Variants in JOSD2 observed in about 807,000 individuals in gnomAD.
JOSD2 encodes josephin-2.
JOSD2 carries 20 observed loss-of-function variants against 19.3 expected under a neutral mutation model. That is an observed-to-expected ratio of 1.04 (90% confidence interval 0.73 to 1.51). The LOEUF is 1.51. Ranked by LOEUF, JOSD2 falls within the 40% of genes most tolerant of loss-of-function variation. JOSD2 has a pLI of 0.00. For missense variants in JOSD2, 215 were observed against 250.4 expected, an observed-to-expected ratio of 0.86 and a Z score of 0.95; for synonymous variants, 118 against 123.7, an observed-to-expected ratio of 0.95 and a Z score of 0.31.
rs1979339046 is a variant in JOSD2 at position 50,506,399 on chromosome 19, A to G, written c.446T>C (p.Leu149Pro). Reference protein sequence around the residue: ...LDSKLRAPEALGDEDGVRAFL... With the variant: ...LDSKLRAPEAPGDEDGVRAFL... ...TCACCTGACTCCGTCCTCATCCCCC[A>G]GGGCCTCGGGCGCCCGCAGCTTGGA... The change falls in exon 4 of 5, where the codon CTG becomes CCG. Residue 149 changes from leucine (L) to proline (P), a missense_variant. Leu to Pro is a moderately conservative substitution (Grantham distance 98). Coordinates refer to ENST00000598418, the MANE Select transcript of JOSD2 (RefSeq NM_001270639.2). 6.2e-7 allele frequency: 1 copy of G among 1,606,102 alleles called. No individual in the cohort carries two copies.
At chr19:50,510,949 G>A (rs940174911) in intron 1 of JOSD2, 168 bp downstream of exon 1, 10 of 382,474 alleles carry the variant, frequency 2.6e-5, no homozygotes, top group Non-Finnish European at 4.8e-5. Flanking sequence ...GAGGCTCTCT[G>A]CTCTTGTCAC....
At chr19:50,507,126 G>A (rs190929994) in intron 3 of JOSD2, among the ~76,000 whole-genome samples, 5 of 22,442 alleles carry the variant, frequency 2.2e-4, no homozygotes, top group African/African-American at 6.8e-4. Context: ...CCACACAGCC[G>A]GCCACCACCC....
Position 50,510,440 on chromosome 19 carries a change from C to T in JOSD2, c.-9G>A, listed in dbSNP as rs758221410. 20 of 1,600,842 alleles carry T rather than the reference C, an allele frequency of 1.2e-5. No individual in the cohort carries two copies. The highest frequency in any genetic ancestry group is 2.2e-5 in the East Asian group (1 of 44,512). On this transcript the variant is annotated 5_prime_UTR_variant, in exon 2 of 5. Coordinates refer to ENST00000598418, the MANE Select transcript of JOSD2 (RefSeq NM_001270639.2). ...CCCGGGGCCTGGGACATGCCGTCCT[C>T]GGCTCCTGCTGGGGGTTGGGAGGGG...
chr19:50,508,074 G>T (rs1979495352), intron 2 of JOSD2: 2 of 334,166 alleles, frequency 6.0e-6, no homozygotes, highest in Non-Finnish European at 1.1e-5. Flanking sequence ...GGCCCCAGAT[G>T]GGCTCTGTCT....
chr19:50,509,978 G>A (rs1432326278), intron 2 of JOSD2, among the ~76,000 whole-genome samples: 3 of 148,694 alleles, frequency 2.0e-5, no homozygotes, highest in Admixed American at 1.4e-4. Context: ...GCATGAACCC[G>A]GGAGGCCGAG....
rs1271806840 is a variant in JOSD2, at chr19:50,506,103, G to C, written c.*70C>G. 6.8e-7 allele frequency: 1 copy of C among 1,475,494 alleles called. No individual in the cohort carries two copies. Among genetic ancestry groups the C allele is most frequent in the Non-Finnish European group, 9.4e-7 (1 of 1,068,772 alleles). The allele number at this position is 1,475,494 out of a possible 1,614,324, so 91.4% of individuals were successfully genotyped here. A position where few individuals can be genotyped will look rare whatever the true frequency, so the allele number is the denominator to read the frequency against. On this transcript the variant is annotated 3_prime_UTR_variant, in exon 5 of 5. Coordinates refer to ENST00000598418, the MANE Select transcript of JOSD2 (RefSeq NM_001270639.2). Reference sequence around the variant, plus strand: ...GTCCATGAAGTGCTGGCCTTTCCCAGGCATGCAGTGTGCGCAGCCGGAGGG... The same window carrying C: ...GTCCATGAAGTGCTGGCCTTTCCCACGCATGCAGTGTGCGCAGCCGGAGGG...
rs373146315 is a variant in JOSD2, at chr19:50,507,744, G to C, written c.147-45C>G. Reference sequence around the variant, plus strand: ...GAGCTGAGGTGGGGACCCCTGGAAAGGCCTCCCCACAAAATGGGGGTCCCA... The same window carrying C: ...GAGCTGAGGTGGGGACCCCTGGAAACGCCTCCCCACAAAATGGGGGTCCCA... On this transcript the variant is annotated intron_variant, in intron 2 of 4. Transcript: ENST00000598418. The C allele has an allele frequency of 1.1e-4, 168 of 1,579,986 alleles. 1 individual carries two copies. Among genetic ancestry groups the C allele is most frequent in the Middle Eastern group, 9.0e-4 (5 of 5,548 alleles).
At chr19:50,507,730 G>T in intron 2 of JOSD2, 31 bp from the exon 3 acceptor site, 1 of 1,595,468 alleles carries the variant, frequency 6.3e-7, no homozygotes, top group South Asian at 1.1e-5. Flanking sequence ...AGCTGAGGTG[G>T]GGACCCCTGG....
intron 3 of JOSD2, among the ~76,000 whole-genome samples, 158 bp downstream of exon 3, chr19:50,507,413 TCGA>T (rs1740060974): frequency 6.6e-6 from 1 of 151,670 alleles, no homozygotes; most frequent in South Asian, 2.1e-4. Flanking sequence ...TCTCAGCCCA[TCGA>T]CCACCTGATC....
At position 50,510,382 on chromosome 19, in the gene JOSD2, TC is replaced by T; in HGVS notation, c.49del (p.Glu17AsnfsTer40). On this transcript the variant is annotated frameshift_variant, in exon 2 of 5. Coordinates refer to ENST00000598418, the MANE Select transcript of JOSD2 (RefSeq NM_001270639.2). LOFTEE classifies it high-confidence loss of function. ...AGCACACAGCTCCAGGCGCTGCCGT[TC>T]GTGGTACACGGTGGGTGGGCTCGGC... ...AQPSPPTVYH[E>X]RQRLELCAVH... The T allele has an allele frequency of 6.2e-7, 1 of 1,613,468 alleles. No individual in the cohort carries two copies. Among genetic ancestry groups the T allele is most frequent in the Non-Finnish European group, 8.5e-7 (1 of 1,179,940 alleles).
intron 2 of JOSD2, chr19:50,508,003 C>T (rs1979490064): frequency 4.3e-6 from 2 of 460,530 alleles, no homozygotes; most frequent in Admixed American, 3.5e-5. Context: ...GTCTCTCCTG[C>T]CCTGACTCTG....
In JOSD2 at chr19:50,510,286, C is replaced by G; in HGVS notation, c.146G>C (p.Arg49Thr). The change falls in exon 2 of 5, where the codon AGG (arginine) becomes ACG (threonine). Residue 49 changes from arginine (R) to threonine (T), a missense_variant and splice_region_variant. Transcript: ENST00000598418. ...AGGGGCTGGGGTGGGTGACGGTCAC[C>G]TCTTGCAGATCTCATCGGCAGCCTC... ...SQEAADEICKRLAPDSRLNPH... is the reference protein window; with the variant it reads ...SQEAADEICKTLAPDSRLNPH... 1 of 1,613,372 alleles carries G rather than the reference C, an allele frequency of 6.2e-7. No homozygotes were observed. Among genetic ancestry groups the G allele is most frequent in the Non-Finnish European group, 8.5e-7 (1 of 1,179,996 alleles).
intron 1 of JOSD2, 38 bp downstream of exon 1, chr19:50,511,079 G>A (rs780288146): frequency 4.4e-6 from 2 of 451,774 alleles, no homozygotes; most frequent in Non-Finnish European, 8.9e-6. Flanking sequence ...CCGCACCCCA[G>A]CCACGGCGCT....
At chr19:50,510,067 A>AAAAAAT in intron 2 of JOSD2, 1 of 470,492 alleles carries the variant, frequency 2.1e-6, no homozygotes, top group African/African-American at 2.1e-5. Context: ...AAAAAAAAAA[A>AAAAAAT]GAAAGAACCA....
At chr19:50,510,225 C>T (rs1055056376) in intron 2 of JOSD2, 61 bp downstream of exon 2, 524 of 1,608,984 alleles carry the variant, frequency 3.3e-4, no homozygotes, top group Non-Finnish European at 4.2e-4. Context: ...GGCGGCGAGA[C>T]CCAGGTGGGT....
chr19:50,507,794 T>G, intron 2 of JOSD2, 95 bp from the exon 3 acceptor site: 1 of 1,469,816 alleles, frequency 6.8e-7, no homozygotes, highest in South Asian at 1.3e-5. Context: ...CCTCAGCCTT[T>G]GACTCTCCCC....
chr19:50,507,801 C>T, intron 2 of JOSD2, 102 bp from the exon 3 acceptor site: 1 of 1,428,900 alleles, frequency 7.0e-7, no homozygotes, highest in Non-Finnish European at 9.4e-7. Context: ...CTTTGACTCT[C>T]CCCGCTTCAG....
intron 3 of JOSD2, among the ~76,000 whole-genome samples, chr19:50,507,197 C>A (rs1979421825): frequency 6.7e-6 from 1 of 148,728 alleles, no homozygotes; most frequent in Non-Finnish European, 1.5e-5. Flanking sequence ...ACTCTTGACC[C>A]CCCTGCCATT....
Position 50,510,435 on chromosome 19 carries a change from G to C in JOSD2, c.-4C>G. 1.9e-6 allele frequency: 3 copies of C among 1,603,246 alleles called. No individual in the cohort carries two copies. The highest frequency in any genetic ancestry group is 2.6e-6 in the Non-Finnish European group (3 of 1,174,402). On this transcript the variant is annotated 5_prime_UTR_variant, in exon 2 of 5. Transcript: ENST00000598418. ...GTGCTCCCGGGGCCTGGGACATGCC[G>C]TCCTCGGCTCCTGCTGGGGGTTGGG... is the stretch of plus-strand genomic sequence containing the variant.
Sources: allele counts gnomAD v4.1 joint callset (sites outside exome capture counted in the v4.1 genomes callset), GRCh38; gene constraint gnomAD v4.1.1; transcripts MANE v1.5; gene names NCBI Gene and HGNC (gene_info 2026-07-23, HGNC 2026-07-21).